Variants in FAF1 observed in about 807,000 individuals in gnomAD.
FAF1 encodes the protein Fas associated factor 1, also known as FAS-associated factor 1.
FAF1 carries 25 observed loss-of-function variants against 92.5 expected under a neutral mutation model. That is an observed-to-expected ratio of 0.27 (90% confidence interval 0.20 to 0.38). The LOEUF is 0.38. FAF1 is among the 10% of genes least tolerant of loss of function. The probability of loss-of-function intolerance (pLI) is 1.00; values close to 1 mark genes in which losing one functional copy is unlikely to be tolerated. For synonymous variants in FAF1, 234 were observed against 273.2 expected, an observed-to-expected ratio of 0.86 and a Z score of 1.42; for missense variants, 636 against 793.3, an observed-to-expected ratio of 0.80 and a Z score of 2.38.
chr1:50,848,432 T>C (rs1396365430), intron 2 of FAF1, among the ~76,000 whole-genome samples: 2 of 152,168 alleles, frequency 1.3e-5, no homozygotes, highest in Admixed American at 6.5e-5. Flanking sequence ...TAAAAATAAT[T>C]TTAAGAGGTA....
At chr1:50,505,212 C>G (rs1333262584) in intron 15 of FAF1, among the ~76,000 whole-genome samples, 1 of 152,088 alleles carries the variant, frequency 6.6e-6, no homozygotes, top group African/African-American at 2.4e-5. Flanking sequence ...CCTTTAGCAG[C>G]CAGTCAGGAG....
intron 8 of FAF1, among the ~76,000 whole-genome samples, chr1:50,642,039 C>A (rs577439726): frequency 6.6e-6 from 1 of 151,868 alleles, no homozygotes. Context: ...CCCATCTCTA[C>A]TGAAATACAA....
In FAF1 at chr1:50,686,112, G is replaced by A. The variant is rs538833628; in HGVS notation, c.657+19674C>T. Among the ~76,000 whole-genome samples the A allele has an allele frequency of 1.3e-4, 19 of 151,930 alleles. No individual in the cohort carries two copies. The East Asian group carries it at 2.3e-3, about 19-fold the overall frequency. ...AGAAACCCTGTATGATAATGTAAAC[G>A]GTACCCAATAATAGTACCACTGTCT... On this transcript the variant is annotated intron_variant, in intron 7 of 18. Coordinates refer to ENST00000396153, the MANE Select transcript of FAF1 (RefSeq NM_007051.3).
chr1:50,882,172 T>C (rs1220449574), intron 1 of FAF1, among the ~76,000 whole-genome samples: 1 of 152,196 alleles, frequency 6.6e-6, no homozygotes, highest in African/African-American at 2.4e-5. Flanking sequence ...CCATATTACT[T>C]AAGCCTAAGC....
In FAF1 at chr1:50,482,099, A is replaced by C. The variant is rs116371042; in HGVS notation, c.1654-6420T>G. Among the ~76,000 whole-genome samples the C allele has an allele frequency of 6.8e-3, 1,034 of 152,286 alleles. 14 individuals are homozygous for C. Among genetic ancestry groups the C allele is most frequent in the African/African-American group, 0.024 (997 of 41,572 alleles). On this transcript the variant is annotated intron_variant, in intron 17 of 18. Transcript: ENST00000396153. ...TGCATATATTTGCATAAGTACCATCACCAACAAAGAAGAGTTCTATTACCT... is the reference window on the plus strand; with the variant it reads ...TGCATATATTTGCATAAGTACCATCCCCAACAAAGAAGAGTTCTATTACCT...
At chr1:50,544,739 A>C (rs1325933213) in intron 13 of FAF1, among the ~76,000 whole-genome samples, 1 of 152,218 alleles carries the variant, frequency 6.6e-6, no homozygotes, top group East Asian at 1.9e-4. Flanking sequence ...GGGAAAACAA[A>C]GCAGGGAAGG....
Position 50,490,673 on chromosome 1 carries a change from T to A in FAF1, c.1576-8A>T, listed in dbSNP as rs1188701231. 1 of 1,581,706 alleles carries A rather than the reference T, an allele frequency of 6.3e-7. No individual in the cohort carries two copies. Among genetic ancestry groups the A allele is most frequent in the African/African-American group, 1.4e-5 (1 of 74,068 alleles). On this transcript the variant is annotated splice_region_variant and splice_polypyrimidine_tract_variant and intron_variant, in intron 16 of 18. Coordinates refer to ENST00000396153, the MANE Select transcript of FAF1 (RefSeq NM_007051.3). ...TCTCTCGTGAGCTTCCCTCTGTTGA[T>A]AAAACAGAAAAGGAACAAGCACTTA...
At chr1:50,955,968 G>A (rs1281872990) in intron 1 of FAF1, among the ~76,000 whole-genome samples, 1 of 152,182 alleles carries the variant, frequency 6.6e-6, no homozygotes, top group Non-Finnish European at 1.5e-5. Flanking sequence ...AAGTAGGATG[G>A]TGGTTGCCAG....
At chr1:50,693,851 C>A (rs570686440) in intron 7 of FAF1, among the ~76,000 whole-genome samples, 1 of 151,906 alleles carries the variant, frequency 6.6e-6, no homozygotes, top group Non-Finnish European at 1.5e-5. Flanking sequence ...TTGAAGCACA[C>A]GAGATTTCTA....
At chr1:50,695,711 G>T (rs917324428) in intron 7 of FAF1, among the ~76,000 whole-genome samples, 1 of 152,036 alleles carries the variant, frequency 6.6e-6, no homozygotes, top group Admixed American at 6.6e-5. Flanking sequence ...GCAGTGGCGC[G>T]ATCTCGGCTC....
intron 15 of FAF1, among the ~76,000 whole-genome samples, chr1:50,525,187 C>T (rs1196594509): frequency 3.3e-5 from 5 of 152,090 alleles, no homozygotes; most frequent in Non-Finnish European, 1.5e-5. Flanking sequence ...TGCCTGGCCC[C>T]CATATGTATT....
At chr1:50,482,848 G>A (rs1173636362) in intron 17 of FAF1, among the ~76,000 whole-genome samples, 3 of 152,022 alleles carry the variant, frequency 2.0e-5, no homozygotes, top group Admixed American at 1.3e-4. Flanking sequence ...TAATACTTGG[G>A]TTGCTTTCTT....
chr1:50,849,678 A>C (rs1390114158), intron 2 of FAF1, among the ~76,000 whole-genome samples: 1 of 152,264 alleles, frequency 6.6e-6, no homozygotes, highest in East Asian at 1.9e-4. Context: ...ATAGACTACT[A>C]ACCTCTAGAA....
chr1:50,600,984 G>T (rs1411145213), intron 8 of FAF1, among the ~76,000 whole-genome samples: 1 of 152,134 alleles, frequency 6.6e-6, no homozygotes, highest in African/African-American at 2.4e-5. Flanking sequence ...GGTCTTTGAT[G>T]ATTTCTTTAC....
chr1:50,639,197 G>A (rs1323110702), intron 8 of FAF1, among the ~76,000 whole-genome samples: 1 of 152,170 alleles, frequency 6.6e-6, no homozygotes, highest in Admixed American at 6.5e-5. Context: ...TCATTCACTA[G>A]TTGACGGACA....
Position 50,611,545 on chromosome 1 carries a change from A to G in FAF1, c.745-15329T>C, listed in dbSNP as rs138449095. Among the ~76,000 whole-genome samples, 234 of 152,316 alleles carry G rather than the reference A, an allele frequency of 1.5e-3. 1 individual carries two copies. The highest frequency in any genetic ancestry group is 5.3e-3 in the African/African-American group (222 of 41,576). ...TCTGCGGATAGCAGATTTTAAAAAT[A>G]AATAAGATGGTCTTTTACTCCATTT... On this transcript the variant is annotated intron_variant, in intron 8 of 18. Transcript: ENST00000396153.
chr1:50,503,462 T>C (rs977975465), intron 15 of FAF1, among the ~76,000 whole-genome samples: 1 of 151,864 alleles, frequency 6.6e-6, no homozygotes, highest in Non-Finnish European at 1.5e-5. Flanking sequence ...CTACCAAAAA[T>C]TTAAAACAAT....
At chr1:50,699,401 T>G (rs989900881) in intron 7 of FAF1, among the ~76,000 whole-genome samples, 68 of 152,078 alleles carry the variant, frequency 4.5e-4, no homozygotes, top group African/African-American at 1.6e-3. Flanking sequence ...ACAACAGAAC[T>G]GTGTGAAAAT....
chr1:50,750,403 A>C (rs1336298857), intron 4 of FAF1, among the ~76,000 whole-genome samples: 1 of 152,188 alleles, frequency 6.6e-6, no homozygotes, highest in Non-Finnish European at 1.5e-5. Context: ...ATTTATATGT[A>C]ATAAAACTCA....
Sources: allele counts gnomAD v4.1 joint callset (sites outside exome capture counted in the v4.1 genomes callset), GRCh38; gene constraint gnomAD v4.1.1; transcripts MANE v1.5; gene names NCBI Gene and HGNC (gene_info 2026-07-23, HGNC 2026-07-21).